Variants in GALM observed in about 807,000 individuals in gnomAD.
GALM encodes the protein galactose mutarotase, also known as aldose 1-epimerase.
In GALM, 43 loss-of-function variants were observed where a neutral mutation model predicts 37.4. The ratio of observed to expected loss-of-function variants is 1.15; its 90% CI spans 0.90 to 1.48. The LOEUF is 1.48. Ranked by LOEUF, GALM falls within the 40% of genes most tolerant of loss-of-function variation. GALM has a pLI of 0.00. For synonymous variants in GALM, 199 were observed against 170.6 expected (o/e 1.17, Z -1.30); for missense variants, 456 against 419.1 (o/e 1.09, Z -0.77).
chr2:38,699,476 G>A (rs1364522122), intron 4 of GALM, among the ~76,000 whole-genome samples: 1 of 152,072 alleles, frequency 6.6e-6, no homozygotes, highest in East Asian at 1.9e-4. Flanking sequence ...TAGTGCTTTA[G>A]AGCACTAGCA....
chr2:38,679,089 T>A (rs1306444500), intron 2 of GALM, among the ~76,000 whole-genome samples: 1 of 152,176 alleles, frequency 6.6e-6, no homozygotes, highest in East Asian at 1.9e-4. Flanking sequence ...CAGGTTCAAG[T>A]GGTTCTCCTG....
At chr2:38,726,488 C>T (rs1048051589) in intron 4 of GALM, among the ~76,000 whole-genome samples, 4 of 151,588 alleles carry the variant, frequency 2.6e-5, no homozygotes, top group Non-Finnish European at 1.5e-5. Flanking sequence ...GGCCTGCCAA[C>T]GTGCTGGGAT....
chr2:38,733,350 T>G, intron 6 of GALM, 138 bp from the exon 7 acceptor site: 2 of 761,834 alleles, frequency 2.6e-6, no homozygotes, highest in South Asian at 2.9e-5. Flanking sequence ...TATCTCACTA[T>G]GAACCAATCA....
At chr2:38,732,368 T>C (rs891767680) in intron 6 of GALM, among the ~76,000 whole-genome samples, 1 of 152,232 alleles carries the variant, frequency 6.6e-6, no homozygotes, top group Non-Finnish European at 1.5e-5. Context: ...CAAAAGTTCA[T>C]GCTTATTCTC....
intron 4 of GALM, among the ~76,000 whole-genome samples, chr2:38,700,647 C>T (rs528158980): frequency 2.0e-5 from 3 of 152,012 alleles, no homozygotes; most frequent in Non-Finnish European, 4.4e-5. Flanking sequence ...TGTAGGCAAC[C>T]GTAGTTGGGC....
At chr2:38,695,397 G>A (rs982442568) in intron 4 of GALM, among the ~76,000 whole-genome samples, 12 of 152,354 alleles carry the variant, frequency 7.9e-5, no homozygotes, top group African/African-American at 2.9e-4. Flanking sequence ...ACAGGGTGGC[G>A]TTCAGCTATC....
chr2:38,697,976 C>T (rs1436665959), intron 4 of GALM, among the ~76,000 whole-genome samples: 4 of 151,748 alleles, frequency 2.6e-5, no homozygotes, highest in Non-Finnish European at 4.4e-5. Context: ...CAGAGTCTCA[C>T]TCCATCACCA....
chr2:38,712,321 T>A (rs1446065919), intron 4 of GALM, among the ~76,000 whole-genome samples: 2 of 152,158 alleles, frequency 1.3e-5, no homozygotes, highest in Non-Finnish European at 2.9e-5. Flanking sequence ...ATGGTGCATA[T>A]CTCCTGAAGC....
chr2:38,666,831 C>G (rs7590926), intron 1 of GALM, among the ~76,000 whole-genome samples: 36,774 of 152,118 alleles, frequency 0.24, 6,675 homozygotes, highest in African/African-American at 0.5. Flanking sequence ...AAATGCTCCA[C>G]TAAGCTCAGT....
chr2:38,731,077 A>C (rs1422931144), intron 5 of GALM, among the ~76,000 whole-genome samples: 2 of 151,928 alleles, frequency 1.3e-5, no homozygotes, highest in African/African-American at 4.8e-5. Flanking sequence ...AGTACAAAAA[A>C]TTAGCCGGAT....
chr2:38,677,683 A>G lies in GALM; in HGVS notation c.345+1617A>G, dbSNP rs115256239. The stretch of plus-strand genomic sequence containing the variant: ...TGTTGCTTAACTTATATTCCCTTCA[A>G]GAACACAGCAAAATCGTGAGTGTAC... On this transcript the variant is annotated intron_variant, in intron 2 of 6. Coordinates refer to ENST00000272252, the MANE Select transcript of GALM (RefSeq NM_138801.3). 7.8e-3 allele frequency among the ~76,000 whole-genome samples: 1,186 copies of G among 152,286 alleles called. 15 individuals carry two copies. Among genetic ancestry groups the G allele is most frequent in the African/African-American group, 0.027 (1,113 of 41,556 alleles).
At chr2:38,711,986 C>T (rs1666183779) in intron 4 of GALM, among the ~76,000 whole-genome samples, 1 of 152,020 alleles carries the variant, frequency 6.6e-6, no homozygotes. Flanking sequence ...GGAAGTGGGG[C>T]CTCACAAGAT....
intron 3 of GALM, chr2:38,682,233 T>G (rs1173948610): frequency 2.2e-6 from 1 of 454,192 alleles, no homozygotes; most frequent in East Asian, 6.9e-5. Context: ...CCTCATTCCC[T>G]CCTAAAGGTA....
chr2:38,714,213 C>T (rs779539276), intron 4 of GALM, among the ~76,000 whole-genome samples: 7 of 150,706 alleles, frequency 4.6e-5, no homozygotes, highest in South Asian at 2.1e-4. Flanking sequence ...GTTTTTTTTG[C>T]GGGGGGGTTG....
intron 4 of GALM, among the ~76,000 whole-genome samples, chr2:38,717,005 C>T (rs1440548058): frequency 6.6e-6 from 1 of 152,184 alleles, no homozygotes; most frequent in Non-Finnish European, 1.5e-5. Flanking sequence ...AATCCCAGCA[C>T]TTTGGGAGGC....
At chr2:38,721,279 A>G (rs1666370820) in intron 4 of GALM, among the ~76,000 whole-genome samples, 1 of 152,222 alleles carries the variant, frequency 6.6e-6, no homozygotes, top group Admixed American at 6.5e-5. Flanking sequence ...AAGGTTTAAT[A>G]TTTTGTGACA....
At chr2:38,669,770 G>A (rs1665042718) in intron 1 of GALM, among the ~76,000 whole-genome samples, 1 of 152,058 alleles carries the variant, frequency 6.6e-6, no homozygotes, top group African/African-American at 2.4e-5. Context: ...CTATTCAGGA[G>A]GCTGAGGCAG....
chr2:38,718,200 T>TC (rs1666308405), intron 4 of GALM, among the ~76,000 whole-genome samples: 2 of 147,780 alleles, frequency 1.4e-5, no homozygotes. Context: ...TCTTTTCTTT[T>TC]TTTTTTTTTT....
chr2:38,729,574 A>G lies in GALM; in HGVS notation c.653A>G (p.Gln218Arg). 1 of 1,613,482 alleles carries G rather than the reference A, an allele frequency of 6.2e-7. No individual in the cohort carries two copies. Among genetic ancestry groups the G allele is most frequent in the Non-Finnish European group, 8.5e-7 (1 of 1,179,596 alleles). ...CCATCAGGAGAAGTTGCCCCAGTGC[A>G]AGGCACTGCATTCGACCTGAGAAAG... ...LIPTGEVAPV[Q>R]GTAFDLRKPV... The change falls in exon 5 of 7, where the codon CAA (glutamine) becomes CGA (arginine). Residue 218 changes from glutamine (Q) to arginine (R), a missense_variant. Physicochemically the swap from Gln to Arg is conservative, Grantham distance 43. Transcript: ENST00000272252.
Sources: allele counts gnomAD v4.1 joint callset (sites outside exome capture counted in the v4.1 genomes callset), GRCh38; gene constraint gnomAD v4.1.1; transcripts MANE v1.5; gene names NCBI Gene and HGNC (gene_info 2026-07-23, HGNC 2026-07-21).